Variants in PKHD1 observed in about 807,000 individuals in gnomAD.
PKHD1 encodes the protein PKHD1 ciliary IPT domain containing fibrocystin/polyductin.
In PKHD1, 291 loss-of-function variants were observed where a neutral mutation model predicts 412.0. The ratio of observed to expected loss-of-function variants is 0.71; its 90% CI spans 0.64 to 0.78. The LOEUF (loss-of-function observed/expected upper bound fraction) is 0.78. Ranked by LOEUF, PKHD1 falls within the 30% of genes least tolerant of loss-of-function variation. PKHD1 has a pLI of 0.00. For missense variants in PKHD1, 4,825 were observed against 4,950.7 expected, an observed-to-expected ratio of 0.97 and a Z score of 0.76; for synonymous variants, 1,777 against 1,821.5, an observed-to-expected ratio of 0.98 and a Z score of 0.62.
At chr6:51,864,265 G>T (rs538517768) in intron 48 of PKHD1, among the ~76,000 whole-genome samples, 1 of 152,182 alleles carries the variant, frequency 6.6e-6, no homozygotes, top group Non-Finnish European at 1.5e-5. Context: ...CATTAGGAAT[G>T]TCAGACTTTC....
intron 21 of PKHD1, among the ~76,000 whole-genome samples, chr6:52,051,282 G>A (rs1339577196): frequency 1.3e-5 from 2 of 152,168 alleles, no homozygotes; most frequent in Non-Finnish European, 2.9e-5. Context: ...AGAACTAAAC[G>A]AGAAATAAAT....
chr6:51,697,771 A>T (rs924975540), intron 60 of PKHD1, among the ~76,000 whole-genome samples: 1 of 152,226 alleles, frequency 6.6e-6, no homozygotes, highest in Admixed American at 6.5e-5. Flanking sequence ...CCTCAGCCAG[A>T]ACTCTGACTA....
At chr6:51,757,048 G>T (rs1787137912) in intron 55 of PKHD1, among the ~76,000 whole-genome samples, 1 of 152,138 alleles carries the variant, frequency 6.6e-6, no homozygotes, top group Admixed American at 6.5e-5. Flanking sequence ...TCAGACAGGA[G>T]GTGGAGCCCA....
At chr6:51,916,232 G>C (rs1483736238) in intron 37 of PKHD1, among the ~76,000 whole-genome samples, 2 of 151,996 alleles carry the variant, frequency 1.3e-5, no homozygotes. Context: ...TGCCTTCTGG[G>C]CAATCACTTG....
intron 60 of PKHD1, among the ~76,000 whole-genome samples, chr6:51,712,651 G>T (rs761612837): frequency 7.2e-5 from 11 of 152,164 alleles, no homozygotes; most frequent in Admixed American, 5.9e-4. Context: ...GAAAACAGGT[G>T]ATTCTTATCT....
chr6:52,033,817 A>G (rs1803467113), intron 28 of PKHD1, among the ~76,000 whole-genome samples: 1 of 152,064 alleles, frequency 6.6e-6, no homozygotes, highest in Admixed American at 6.6e-5. Flanking sequence ...TTTAAAAGAT[A>G]TTGGATTTAA....
At chr6:52,009,616 T>C (rs1799549074) in intron 35 of PKHD1, among the ~76,000 whole-genome samples, 1 of 152,150 alleles carries the variant, frequency 6.6e-6, no homozygotes, top group Non-Finnish European at 1.5e-5. Context: ...CCTGGGGAGC[T>C]GTAAAAGATT....
chr6:52,040,067 C>G (rs558449613), intron 27 of PKHD1, among the ~76,000 whole-genome samples: 1 of 152,164 alleles, frequency 6.6e-6, no homozygotes, highest in African/African-American at 2.4e-5. Context: ...TTCACTTAGA[C>G]AGAAAATATA....
Position 51,880,779 on chromosome 6 carries a change from T to TAAAAAAAAAAAAAAAAAAAAAAA in PKHD1, c.7350+2291_7350+2313dup, listed in dbSNP as rs71544105. ...CTTAGAGTATAATAAAAAAAAAAAT[T>TAAAAAAAAAAAAAAAAAAAAAAA]AAAAAAAAAAAAAAAAAAAAAAAAA... On this transcript the variant is annotated intron_variant, in intron 46 of 66. Coordinates refer to ENST00000371117, the MANE Select transcript of PKHD1 (RefSeq NM_138694.4). 1.1e-3 allele frequency among the ~76,000 whole-genome samples: 34 copies of TAAAAAAAAAAAAAAAAAAAAAAA among 30,044 alleles called. 1 individual carries two copies. The highest frequency in any genetic ancestry group is 1.2e-3 in the African/African-American group (6 of 4,928). The allele number at this position is 30,044 out of a possible 152,430, so 19.7% of individuals were successfully genotyped here. A position where few individuals can be genotyped will look rare whatever the true frequency, so the allele number is the denominator to read the frequency against.
intron 35 of PKHD1, among the ~76,000 whole-genome samples, chr6:51,961,749 A>G (rs993105480): frequency 3.9e-5 from 6 of 152,166 alleles, no homozygotes; most frequent in Admixed American, 2.6e-4. Flanking sequence ...GAACCAGGTT[A>G]TCTGTAGTGT....
chr6:51,791,403 T>C (rs369433339), intron 52 of PKHD1, 30 bp from the exon 53 acceptor site: 10 of 1,609,136 alleles, frequency 6.2e-6, no homozygotes, highest in African/African-American at 4.0e-5. Flanking sequence ...TGCTCAGATA[T>C]GTCACAAAAA....
intron 43 of PKHD1, among the ~76,000 whole-genome samples, chr6:51,896,139 G>A (rs530173640): frequency 1.2e-4 from 18 of 152,130 alleles, no homozygotes; most frequent in Non-Finnish European, 1.5e-4. Flanking sequence ...AAAGCAGCCC[G>A]GAAGCTCGAA....
chr6:51,948,293 C>T (rs1431829945), intron 36 of PKHD1, among the ~76,000 whole-genome samples: 1 of 152,184 alleles, frequency 6.6e-6, no homozygotes, highest in African/African-American at 2.4e-5. Context: ...TGGCTCCCAT[C>T]ATATTTAGAG....
chr6:52,046,119 G>T lies in PKHD1; in HGVS notation c.2477C>A (p.Ser826Tyr). 1 of 1,613,310 alleles carries T rather than the reference G, an allele frequency of 6.2e-7. No individual in the cohort carries two copies. Among genetic ancestry groups the T allele is most frequent in the East Asian group, 2.2e-5 (1 of 44,876 alleles). ...LLQNNADDFT[S>Y]RYLNASDFTV... Reference sequence around the variant, plus strand: ...GAAGTCACTGGCATTGAGGTACCTGGATGTGAAGTCATCGGCATTATTCTG... The same window carrying T: ...GAAGTCACTGGCATTGAGGTACCTGTATGTGAAGTCATCGGCATTATTCTG... Residue 826 changes from serine to tyrosine, a missense_variant, in exon 24 of 67, where the codon TCC becomes TAC. Physicochemically the swap from Ser to Tyr is moderately radical, Grantham distance 144. Transcript: ENST00000371117.
At chr6:51,721,605 C>A in intron 60 of PKHD1, 2 of 1,065,628 alleles carry the variant, frequency 1.9e-6, no homozygotes, top group Non-Finnish European at 2.3e-6. Context: ...ATAGTGGGTA[C>A]CCCAAACTCA....
At chr6:51,630,688 T>C (rs957871227) in intron 65 of PKHD1, among the ~76,000 whole-genome samples, 1 of 152,142 alleles carries the variant, frequency 6.6e-6, no homozygotes, top group African/African-American at 2.4e-5. Context: ...TCTTTTTTTA[T>C]GAGTAAGTTG....
rs754654892 is a variant in PKHD1, at chr6:51,747,902, T to C, written c.9714A>G (p.Gly3238=). 2.0e-4 allele frequency: 328 copies of C among 1,613,878 alleles called. No homozygotes were observed. Among genetic ancestry groups the C allele is most frequent in the Non-Finnish European group, 2.7e-4 (319 of 1,179,946 alleles). ...STDRAPSNPR[G]GRIGILWPVF... The stretch of plus-strand genomic sequence containing the variant: ...CAGGCCACAGAATACCAATTCGACC[T>C]CCTCTTGGATTGGAGGGAGCTCTAT... Residue 3238 remains glycine (G), a synonymous_variant, in exon 58 of 67, where the codon GGA becomes GGG. Coordinates refer to ENST00000371117, the MANE Select transcript of PKHD1 (RefSeq NM_138694.4).
intron 60 of PKHD1, among the ~76,000 whole-genome samples, chr6:51,735,443 A>G (rs185226687): frequency 2.0e-5 from 3 of 152,344 alleles, no homozygotes; most frequent in Admixed American, 1.3e-4. Context: ...AATGGCAATT[A>G]TTATTATTGC....
chr6:51,776,769 T>C (rs1478464664), intron 53 of PKHD1, among the ~76,000 whole-genome samples: 1 of 152,060 alleles, frequency 6.6e-6, no homozygotes, highest in Non-Finnish European at 1.5e-5. Context: ...CTAAATTCTT[T>C]TAGCAGCATA....
Sources: gnomAD v4.1 joint callset for allele counts (sites outside exome capture counted in the v4.1 genomes callset) on GRCh38, gnomAD v4.1.1 for gene constraint, MANE v1.5 for transcripts, NCBI Gene and HGNC (gene_info 2026-07-23, HGNC 2026-07-21) for gene names.